Variants in PABPC1L observed in about 807,000 individuals in gnomAD.
PABPC1L encodes poly(A) binding protein cytoplasmic 1 like, also known as polyadenylate-binding protein 1-like.
PABPC1L carries 31 observed loss-of-function variants against 66.6 expected under a neutral mutation model. The ratio of observed to expected loss-of-function variants is 0.47; its 90% CI spans 0.35 to 0.63. The LOEUF (loss-of-function observed/expected upper bound fraction) is 0.63. PABPC1L is among the 20% of genes least tolerant of loss of function. PABPC1L has a pLI of 0.00. For synonymous variants in PABPC1L, 348 were observed against 335.1 expected (o/e 1.04, Z -0.42); for missense variants, 722 against 848.8 (o/e 0.85, Z 1.86).
intron 1 of PABPC1L, 147 bp from the exon 2 acceptor site, chr20:44,912,513 A>AT (rs1363924097): frequency 1.5e-6 from 1 of 656,018 alleles, no homozygotes; most frequent in Non-Finnish European, 2.5e-6. Context: ...TATCTCAGTT[A>AT]TTTGGGCTCT....
intron 11 of PABPC1L, 59 bp downstream of exon 11, chr20:44,935,556 C>G (rs2066895362): frequency 1.1e-5 from 16 of 1,469,574 alleles, no homozygotes; most frequent in Non-Finnish European, 1.5e-5. Flanking sequence ...GGCTCAGAAC[C>G]TTAGCTAAGG....
At position 44,912,784 on chromosome 20, in the gene PABPC1L, G is replaced by A; in HGVS notation, c.318G>A (p.Leu106=). 1 of 1,614,092 alleles carries A rather than the reference G, an allele frequency of 6.2e-7. No individual in the cohort carries two copies. Among genetic ancestry groups the A allele is most frequent in the Non-Finnish European group, 8.5e-7 (1 of 1,179,996 alleles). Residue 106 remains leucine (L), a synonymous_variant, in exon 2 of 15, where the codon CTG becomes CTA. Transcript: ENST00000217073. ...TGGGCAACATCTTCATCAAGAACCTGGAGGACTCCATTGACAACAAGGCTT... is the reference window on the plus strand; with the variant it reads ...TGGGCAACATCTTCATCAAGAACCTAGAGGACTCCATTGACAACAAGGCTT... ...SGVGNIFIKN[L]EDSIDNKALY...
At chr20:44,919,310 A>G in intron 5 of PABPC1L, 33 bp downstream of exon 5, 1 of 1,607,642 alleles carries the variant, frequency 6.2e-7, no homozygotes, top group South Asian at 1.1e-5. Flanking sequence ...GTTCTGCAGC[A>G]GGGGGACCGA....
Position 44,939,188 on chromosome 20 carries a change from G to A in PABPC1L, c.*69G>A, listed in dbSNP as rs2066924800. Reference sequence around the variant, plus strand: ...AGTGTTTCTGGCTCTCAGCCCTAAGGCCCTGCAAACTCTAACTTATTTCCC... The same window carrying A: ...AGTGTTTCTGGCTCTCAGCCCTAAGACCCTGCAAACTCTAACTTATTTCCC... On this transcript the variant is annotated 3_prime_UTR_variant, in exon 15 of 15. Coordinates refer to ENST00000217073, the MANE Select transcript of PABPC1L (RefSeq NM_001372179.1). 3 of 717,852 alleles carry A rather than the reference G, an allele frequency of 4.2e-6. No homozygotes were observed. The African/African-American group carries it at 5.2e-5, about 13-fold the overall frequency. 44.5% of individuals were successfully genotyped at this position (717,852 alleles called of 1,614,324 possible).
chr20:44,919,181 A>G lies in PABPC1L; in HGVS notation c.644-2A>G. 1.2e-6 allele frequency: 2 copies of G among 1,614,142 alleles called. No homozygotes were observed. Among genetic ancestry groups the G allele is most frequent in the Non-Finnish European group, 1.7e-6 (2 of 1,180,020 alleles). On this transcript the variant is annotated splice_acceptor_variant, in intron 4 of 14. Coordinates refer to ENST00000217073, the MANE Select transcript of PABPC1L (RefSeq NM_001372179.1). LOFTEE classifies it high-confidence loss of function. ...CCTTTGAGCCAGGTTGGTCCTTTGCAGGGAAAATGCTGAGTGTGAAGGTGA... is the reference window on the plus strand; with the variant it reads ...CCTTTGAGCCAGGTTGGTCCTTTGCGGGGAAAATGCTGAGTGTGAAGGTGA...
At chr20:44,916,020 C>G (rs2066735600) in intron 2 of PABPC1L, among the ~76,000 whole-genome samples, 1 of 151,562 alleles carries the variant, frequency 6.6e-6, no homozygotes, top group South Asian at 2.1e-4. Context: ...TTTCACTTAA[C>G]AAGACTGTCA....
At chr20:44,924,382 T>G (rs2066794628) in intron 7 of PABPC1L, 126 bp downstream of exon 7, 1 of 682,924 alleles carries the variant, frequency 1.5e-6, no homozygotes. Context: ...GGCTACCCCT[T>G]CTGGGGCTCT....
At chr20:44,935,335 T>C (rs753619731) in intron 10 of PABPC1L, 56 bp from the exon 11 acceptor site, 13 of 1,320,590 alleles carry the variant, frequency 9.8e-6, no homozygotes, top group Non-Finnish European at 1.3e-5. Context: ...GTTTTGTTTT[T>C]GGATAGCAGC....
Position 44,929,881 on chromosome 20 carries a change from G to T in PABPC1L, c.973-579G>T, listed in dbSNP as rs1404362219. Among the ~76,000 whole-genome samples, 3 of 151,910 alleles carry T rather than the reference G, an allele frequency of 2.0e-5. No homozygotes were observed. The East Asian group carries it at 5.8e-4, about 29-fold the overall frequency. On this transcript the variant is annotated intron_variant, in intron 7 of 14. Transcript: ENST00000217073. ...TCTAAAGTTACTCCAAAGTAAAAAG[G>T]TTATTTTAACAAAAAGGCTAAGAAC...
chr20:44,912,803 A>C lies in PABPC1L; in HGVS notation c.337A>C (p.Lys113Gln). 1 of 1,614,156 alleles carries C rather than the reference A, an allele frequency of 6.2e-7. No individual in the cohort carries two copies. The highest frequency in any genetic ancestry group is 8.5e-7 in the Non-Finnish European group (1 of 1,180,010). The change falls in exon 2 of 15, where the codon AAG (lysine) becomes CAG (glutamine). Residue 113 changes from lysine to glutamine, a missense_variant. This residue lies in a region of PABPC1L where 284 missense variants were observed against 294.8 expected (regional missense o/e 0.96). Coordinates refer to ENST00000217073, the MANE Select transcript of PABPC1L (RefSeq NM_001372179.1). Reference protein sequence around the residue: ...IKNLEDSIDNKALYDTFSTFG... With the variant: ...IKNLEDSIDNQALYDTFSTFG... The stretch of plus-strand genomic sequence containing the variant: ...GAACCTGGAGGACTCCATTGACAAC[A>C]AGGCTTTATATGATACCTTCTCCAC...
rs369726183 is a variant in PABPC1L at position 44,919,169 on chromosome 20, T to C, written c.644-14T>C. 1 of 1,614,124 alleles carries C rather than the reference T, an allele frequency of 6.2e-7. No homozygotes were observed. The highest frequency in any genetic ancestry group is 1.3e-5 in the African/African-American group (1 of 75,016). On this transcript the variant is annotated splice_polypyrimidine_tract_variant and intron_variant, in intron 4 of 14. Coordinates refer to ENST00000217073, the MANE Select transcript of PABPC1L (RefSeq NM_001372179.1). ...TTCCCAGACTCCCCTTTGAGCCAGG[T>C]TGGTCCTTTGCAGGGAAAATGCTGA...
chr20:44,935,262 C>G, intron 10 of PABPC1L, 129 bp from the exon 11 acceptor site: 1 of 689,504 alleles, frequency 1.5e-6, no homozygotes, highest in Non-Finnish European at 2.5e-6. Flanking sequence ...AGTGCACAGT[C>G]TTCTAATTTC....
Position 44,921,728 on chromosome 20 carries a change from C to A in PABPC1L, c.873C>A (p.Tyr291Ter). 1 of 1,613,192 alleles carries A rather than the reference C, an allele frequency of 6.2e-7. No homozygotes were observed. Among genetic ancestry groups the A allele is most frequent in the East Asian group, 2.2e-5 (1 of 44,702 alleles). ...EQMKQDRLRR[Y>*]QGVNLYVKNL... ...TGAAGCAGGACCGGCTGAGGCGTTA[C>A]CAGGTGAGGTCAGGCTTCCTGGTGG... The change falls in exon 6 of 15, where the codon TAC (tyrosine) becomes TAA (stop). Residue 291 changes from tyrosine to a stop codon, truncating the protein, a stop_gained. Coordinates refer to ENST00000217073, the MANE Select transcript of PABPC1L (RefSeq NM_001372179.1). LOFTEE classifies it high-confidence loss of function.
chr20:44,926,956 A>C, intron 7 of PABPC1L, among the ~76,000 whole-genome samples: 1 of 152,080 alleles, frequency 6.6e-6, no homozygotes, highest in East Asian at 1.9e-4. Flanking sequence ...GCACGCCACA[A>C]CCTCAACCTC....
chr20:44,938,425 A>G (rs2066918450), intron 13 of PABPC1L, among the ~76,000 whole-genome samples: 2 of 152,174 alleles, frequency 1.3e-5, no homozygotes, highest in South Asian at 4.1e-4. Context: ...CTTTTGGTAC[A>G]AGGAAGTGTG....
Position 44,927,677 on chromosome 20 carries a change from C to A in PABPC1L, c.973-2783C>A, listed in dbSNP as rs529843480. ...TGGCTATCTGATGAAGCCTGTGGAA[C>A]CCTTCTAAGAATATTTTTTAAAAAC... On this transcript the variant is annotated intron_variant, in intron 7 of 14. Transcript: ENST00000217073. 1.1e-4 allele frequency among the ~76,000 whole-genome samples: 16 copies of A among 152,110 alleles called. 1 individual carries two copies. In the East Asian group the frequency reaches 3.1e-3, roughly 29 times the overall value.
chr20:44,938,092 C>G lies in PABPC1L; in HGVS notation c.1692C>G (p.Val564=), dbSNP rs1233991104. The change falls in exon 13 of 15, where the codon GTC becomes GTG. Residue 564 remains valine, a synonymous_variant. Transcript: ENST00000217073. The part of the protein sequence containing the change: ...GERLYPLIHD[V]HTQLAGKITG... The stretch of plus-strand genomic sequence containing the variant: ...GTCTCTACCCCCTTATCCATGATGT[C>G]CACACCCAGCTGGCTGGCAAGATCA... 2 of 1,614,054 alleles carry G rather than the reference C, an allele frequency of 1.2e-6. No homozygotes were observed. Among genetic ancestry groups the G allele is most frequent in the Non-Finnish European group, 1.7e-6 (2 of 1,180,042 alleles).
In PABPC1L at chr20:44,921,716, G is replaced by A. The variant is rs1426500369; in HGVS notation, c.861G>A (p.Arg287=). 1 of 1,613,498 alleles carries A rather than the reference G, an allele frequency of 6.2e-7. No individual in the cohort carries two copies. The highest frequency in any genetic ancestry group is 1.1e-5 in the South Asian group (1 of 91,026). Residue 287 remains arginine (R), a synonymous_variant, in exon 6 of 15, where the codon CGG becomes CGA. Coordinates refer to ENST00000217073, the MANE Select transcript of PABPC1L (RefSeq NM_001372179.1). The part of the protein sequence containing the change: ...KRRFEQMKQD[R]LRRYQGVNLY... ...GGTTTGAGCAGATGAAGCAGGACCGGCTGAGGCGTTACCAGGTGAGGTCAG... is the reference window on the plus strand; with the variant it reads ...GGTTTGAGCAGATGAAGCAGGACCGACTGAGGCGTTACCAGGTGAGGTCAG...
rs548243233 is a variant in PABPC1L, at chr20:44,924,735, C to T, written c.972+479C>T. On this transcript the variant is annotated intron_variant, in intron 7 of 14. Transcript: ENST00000217073. ...GGCCCCTGAGATGTGGCAACTGGCC[C>T]ATCAGCAGCTCTATGAGCTTTAGCA... 2.0e-5 allele frequency among the ~76,000 whole-genome samples: 3 copies of T among 152,276 alleles called. 1 individual carries two copies. In the East Asian group the frequency reaches 5.8e-4, roughly 29 times the overall value.
Sources: allele counts gnomAD v4.1 joint callset (sites outside exome capture counted in the v4.1 genomes callset), GRCh38; gene constraint gnomAD v4.1.1; regional missense constraint gnomAD v4.1.1; transcripts MANE v1.5; gene names NCBI Gene and HGNC (gene_info 2026-07-23, HGNC 2026-07-21).